STXBP5L: variants seen among roughly 807,000 people sequenced by gnomAD.
STXBP5L encodes the protein syntaxin-binding protein 5-like.
STXBP5L carries 65 observed loss-of-function variants against 144.5 expected under a neutral mutation model. The ratio of observed to expected loss-of-function variants is 0.45; its 90% CI spans 0.37 to 0.55. The LOEUF is 0.55. Ranked by LOEUF, STXBP5L falls within the 20% of genes least tolerant of loss-of-function variation. The probability of loss-of-function intolerance (pLI) is 0.00; values close to 1 mark genes in which losing one functional copy is unlikely to be tolerated. For synonymous variants in STXBP5L, 505 were observed against 469.6 expected, an observed-to-expected ratio of 1.08 and a Z score of -0.97; for missense variants, 1,298 against 1,405.5, an observed-to-expected ratio of 0.92 and a Z score of 1.22.
At chr3:120,964,272 C>A (rs1233215121) in intron 3 of STXBP5L, among the ~76,000 whole-genome samples, 1 of 152,152 alleles carries the variant, frequency 6.6e-6, no homozygotes, top group East Asian at 1.9e-4. Flanking sequence ...TCTCTATCTC[C>A]TTCAGTTCTG....
At chr3:121,410,108 T>A (rs2047081535) in intron 23 of STXBP5L, among the ~76,000 whole-genome samples, 1 of 151,930 alleles carries the variant, frequency 6.6e-6, no homozygotes, top group Non-Finnish European at 1.5e-5. Flanking sequence ...CTCAAACTGT[T>A]TTTAGAAATT....
At chr3:121,051,656 C>G (rs1041447978) in intron 5 of STXBP5L, among the ~76,000 whole-genome samples, 4 of 152,078 alleles carry the variant, frequency 2.6e-5, no homozygotes, top group African/African-American at 9.7e-5. Flanking sequence ...AATTCACACC[C>G]TAACATCAAA....
chr3:121,336,514 C>T (rs1251894481), intron 20 of STXBP5L, among the ~76,000 whole-genome samples: 1 of 151,750 alleles, frequency 6.6e-6, no homozygotes, highest in Non-Finnish European at 1.5e-5. Context: ...AGCCAACCAA[C>T]CAACCAAACA....
At chr3:121,219,867 TACTC>T (rs1414029318) in intron 10 of STXBP5L, among the ~76,000 whole-genome samples, 6 of 152,154 alleles carry the variant, frequency 3.9e-5, no homozygotes, top group African/African-American at 1.2e-4. Context: ...ATATCATAAA[TACTC>T]AATATATGTT....
chr3:121,160,588 A>T (rs1280496383), intron 9 of STXBP5L, among the ~76,000 whole-genome samples: 1 of 152,080 alleles, frequency 6.6e-6, no homozygotes, highest in East Asian at 1.9e-4. Flanking sequence ...GCATTTGTGG[A>T]TTTGGGTATA....
intron 4 of STXBP5L, among the ~76,000 whole-genome samples, chr3:121,044,838 A>G (rs923666950): frequency 1.3e-5 from 2 of 152,072 alleles, no homozygotes; most frequent in African/African-American, 2.4e-5. Flanking sequence ...AAGGAATCTT[A>G]GTATAATTTT....
At chr3:121,187,761 G>T (rs796239599) in intron 9 of STXBP5L, among the ~76,000 whole-genome samples, 10 of 152,010 alleles carry the variant, frequency 6.6e-5, no homozygotes, top group African/African-American at 2.4e-4. Flanking sequence ...TGGATAAAGA[G>T]TCAAGGCCCA....
chr3:121,140,355 A>G (rs899519166), intron 7 of STXBP5L, among the ~76,000 whole-genome samples: 1 of 152,098 alleles, frequency 6.6e-6, no homozygotes, highest in Non-Finnish European at 1.5e-5. Flanking sequence ...AAATAGAAAT[A>G]CCATATGTGA....
At chr3:121,354,508 C>CTTTTTTTTTTTTTTTTTTTT (rs145703750) in intron 20 of STXBP5L, among the ~76,000 whole-genome samples, 1 of 67,542 alleles carries the variant, frequency 1.5e-5, no homozygotes, top group Non-Finnish European at 2.7e-5. Context: ...TGCAACCCTG[C>CTTTTTTTTTTTTTTTTTTTT]TTTTTTTTTT....
intron 22 of STXBP5L, among the ~76,000 whole-genome samples, chr3:121,394,762 G>A (rs142390586): frequency 4.9e-4 from 74 of 151,888 alleles, no homozygotes; most frequent in Middle Eastern, 3.4e-3. Context: ...CCGCCACCAC[G>A]CCTGGCTAAT....
At chr3:121,290,318 C>T (rs889560029) in intron 19 of STXBP5L, among the ~76,000 whole-genome samples, 9 of 151,966 alleles carry the variant, frequency 5.9e-5, no homozygotes, top group African/African-American at 2.2e-4. Flanking sequence ...TGGATAAATT[C>T]CTGGAAATAT....
intron 5 of STXBP5L, among the ~76,000 whole-genome samples, chr3:121,090,220 G>A (rs1474026421): frequency 6.6e-6 from 1 of 151,982 alleles, no homozygotes; most frequent in South Asian, 2.1e-4. Context: ...CATTGGTCTG[G>A]CAGGGGAAGG....
chr3:121,146,295 G>T (rs1321828876), intron 7 of STXBP5L, among the ~76,000 whole-genome samples: 1 of 151,892 alleles, frequency 6.6e-6, no homozygotes, highest in Non-Finnish European at 1.5e-5. Flanking sequence ...AGTAGCACAA[G>T]TACTAATTTA....
chr3:121,331,615 C>T (rs538668114), intron 20 of STXBP5L, among the ~76,000 whole-genome samples: 2 of 152,246 alleles, frequency 1.3e-5, no homozygotes, highest in South Asian at 2.1e-4. Flanking sequence ...AGCTCTCTCC[C>T]TTCCTCCTGA....
chr3:121,394,246 A>G (rs2046667750), intron 22 of STXBP5L, among the ~76,000 whole-genome samples: 2 of 152,134 alleles, frequency 1.3e-5, no homozygotes, highest in South Asian at 4.1e-4. Flanking sequence ...TAAAAGTGGT[A>G]CTGATTTTTA....
intron 6 of STXBP5L, among the ~76,000 whole-genome samples, chr3:121,118,387 A>G (rs928102615): frequency 2.0e-5 from 3 of 151,726 alleles, no homozygotes; most frequent in Admixed American, 6.6e-5. Context: ...GGCAGAGGGA[A>G]CAGAATATTT....
rs535168149 is a variant in STXBP5L at position 121,190,339 on chromosome 3, A to G, written c.878-15584A>G. ...CCTTAATCCATTTAACCCTTAGTGGACACAGCACGTTTCAGAGAGCACGGG... is the reference window on the plus strand; with the variant it reads ...CCTTAATCCATTTAACCCTTAGTGGGCACAGCACGTTTCAGAGAGCACGGG... On this transcript the variant is annotated intron_variant, in intron 9 of 26. Coordinates refer to ENST00000471454, the MANE Select transcript of STXBP5L (RefSeq NM_001308330.2). Among the ~76,000 whole-genome samples, 92 of 152,296 alleles carry G rather than the reference A, an allele frequency of 6.0e-4. 1 individual carries two copies. In the South Asian group the frequency reaches 8.9e-3, roughly 15 times the overall value.
In STXBP5L at chr3:120,989,578, G is replaced by A. The variant is rs57499124; in HGVS notation, c.287+34541G>A. On this transcript the variant is annotated intron_variant, in intron 3 of 26. Coordinates refer to ENST00000471454, the MANE Select transcript of STXBP5L (RefSeq NM_001308330.2). The stretch of plus-strand genomic sequence containing the variant: ...AGTTTGCAAATATTTGTCCCATTCT[G>A]TCTGGTAGTTCTATAATATGCTGAG... 7.9e-3 allele frequency among the ~76,000 whole-genome samples: 1,199 copies of A among 152,124 alleles called. 13 individuals carry two copies. The highest frequency in any genetic ancestry group is 0.028 in the African/African-American group (1,155 of 41,520).
At chr3:121,171,589 C>G (rs1484225728) in intron 9 of STXBP5L, among the ~76,000 whole-genome samples, 8 of 152,274 alleles carry the variant, frequency 5.3e-5, no homozygotes, top group Non-Finnish European at 7.3e-5. Context: ...TGAGTGAACT[C>G]TCATTCACAA....
Sources: gnomAD v4.1 joint callset for allele counts (sites outside exome capture counted in the v4.1 genomes callset) on GRCh38, gnomAD v4.1.1 for gene constraint, MANE v1.5 for transcripts, NCBI Gene and HGNC (gene_info 2026-07-23, HGNC 2026-07-21) for gene names.